Variants in ABCB1 observed in about 807,000 individuals in gnomAD.
The protein encoded by ABCB1 is ATP-dependent translocase ABCB1.
ABCB1 carries 69 observed loss-of-function variants against 142.0 expected under a neutral mutation model. The observed-to-expected ratio is 0.49, with a 90% CI of 0.40 to 0.59. ABCB1 has a LOEUF of 0.59. ABCB1 is among the 20% of genes least tolerant of loss of function. The pLI is 0.00. For missense variants in ABCB1, 1,326 were observed against 1,554.7 expected, an observed-to-expected ratio of 0.85 and a Z score of 2.47; for synonymous variants, 532 against 539.2, an observed-to-expected ratio of 0.99 and a Z score of 0.18.
chr7:87,527,538 G>A (rs1815840587), intron 21 of ABCB1, among the ~76,000 whole-genome samples: 1 of 152,128 alleles, frequency 6.6e-6, no homozygotes, highest in Non-Finnish European at 1.5e-5. Context: ...ACTTTTTCCT[G>A]TAATGTCATG....
In ABCB1 at chr7:87,549,438, C is replaced by G; in HGVS notation, c.1635G>C (p.Leu545=). 2 of 1,614,190 alleles carry G rather than the reference C, an allele frequency of 1.2e-6. No individual in the cohort carries two copies. Among genetic ancestry groups the G allele is most frequent in the Non-Finnish European group, 1.7e-6 (2 of 1,180,042 alleles). The change falls in exon 14 of 28, where the codon CTG becomes CTC. Residue 545 remains leucine, a synonymous_variant. Coordinates refer to ENST00000622132, the MANE Select transcript of ABCB1 (RefSeq NM_001348946.2). ...GCAGGAGGATCTTGGGGTTGCGAAC[C>G]AGGGCACGTGCAATGGCGATCCTCT... ...QKQRIAIARA[L]VRNPKILLLD... is the part of the protein sequence containing the mutation.
intron 1 of ABCB1, among the ~76,000 whole-genome samples, chr7:87,684,170 A>G (rs1480339396): frequency 2.0e-5 from 3 of 152,222 alleles, no homozygotes; most frequent in African/African-American, 2.4e-5. Flanking sequence ...AGTTTACAAC[A>G]GGGTTTCTCA....
At chr7:87,628,383 G>A in intron 1 of ABCB1, 1 of 155,458 alleles carries the variant, frequency 6.4e-6, no homozygotes, top group Non-Finnish European at 1.4e-5. Context: ...CTGCGCACGC[G>A]AGGCCGGGGG....
intron 1 of ABCB1, among the ~76,000 whole-genome samples, chr7:87,705,018 C>A (rs556891269): frequency 1.1e-4 from 17 of 152,202 alleles, no homozygotes; most frequent in Non-Finnish European, 2.4e-4. Context: ...GAACAGTATA[C>A]AGTATACAAG....
In ABCB1 at chr7:87,515,433, A is replaced by C. The variant is rs1227228021; in HGVS notation, c.3085-5T>G. 1 of 1,613,868 alleles carries C rather than the reference A, an allele frequency of 6.2e-7. No individual in the cohort carries two copies. On this transcript the variant is annotated splice_region_variant and splice_polypyrimidine_tract_variant and intron_variant, in intron 24 of 27. Transcript: ENST00000622132. ...GACATTTCCTTCCAATGTGTTCTGCAATGAGAAGAATAACAGTAAATTTGA... is the reference window on the plus strand; with the variant it reads ...GACATTTCCTTCCAATGTGTTCTGCCATGAGAAGAATAACAGTAAATTTGA...
At chr7:87,524,534 T>C (rs913474334) in intron 21 of ABCB1, among the ~76,000 whole-genome samples, 14 of 143,296 alleles carry the variant, frequency 9.8e-5, no homozygotes, top group Non-Finnish European at 2.0e-4. Context: ...AACTGAACAA[T>C]GAGAACACAT....
At chr7:87,530,251 T>A (rs964930279) in intron 21 of ABCB1, among the ~76,000 whole-genome samples, 2 of 152,216 alleles carry the variant, frequency 1.3e-5, no homozygotes, top group South Asian at 4.1e-4. Context: ...ATGTTAGTTA[T>A]GGCAGTCAGC....
intron 1 of ABCB1, among the ~76,000 whole-genome samples, chr7:87,651,174 A>G (rs1049663391): frequency 6.6e-6 from 1 of 152,186 alleles, no homozygotes; most frequent in Admixed American, 6.5e-5. Context: ...GTGACTTTCC[A>G]TAAGTAATTA....
chr7:87,546,003 T>A lies in ABCB1; in HGVS notation c.1747A>T (p.Ile583Phe). 2 of 1,614,134 alleles carry A rather than the reference T, an allele frequency of 1.2e-6. No homozygotes were observed. Among genetic ancestry groups the A allele is most frequent in the Non-Finnish European group, 1.7e-6 (2 of 1,180,008 alleles). ...LDKARKGRTT[I>F]VIAHRLSTVR... ...GTAGACAAACGATGAGCTATCACAA[T>A]GGTGGTCCGACCTTTTCTGGCCTAA... The change falls in exon 15 of 28, where the codon ATT (isoleucine) becomes TTT (phenylalanine). Residue 583 changes from isoleucine (I) to phenylalanine (F), a missense_variant. Physicochemically the swap from Ile to Phe is conservative, Grantham distance 21. Transcript: ENST00000622132.
intron 8 of ABCB1, among the ~76,000 whole-genome samples, chr7:87,561,006 T>A (rs1409425578): frequency 6.6e-6 from 1 of 152,182 alleles, no homozygotes; most frequent in Non-Finnish European, 1.5e-5. Flanking sequence ...ATCAGAGGTA[T>A]AAAATACATT....
At chr7:87,689,072 T>C (rs1196847483) in intron 1 of ABCB1, among the ~76,000 whole-genome samples, 1 of 152,048 alleles carries the variant, frequency 6.6e-6, no homozygotes, top group Non-Finnish European at 1.5e-5. Context: ...TCAAATAAAA[T>C]GATTCAAAAT....
chr7:87,596,782 G>A (rs1204379404), intron 2 of ABCB1, among the ~76,000 whole-genome samples: 1 of 152,064 alleles, frequency 6.6e-6, no homozygotes, highest in Non-Finnish European at 1.5e-5. Flanking sequence ...TGGCTTTGGA[G>A]TAATGTTAGA....
intron 1 of ABCB1, among the ~76,000 whole-genome samples, chr7:87,655,947 A>G (rs1226395807): frequency 6.6e-6 from 1 of 152,112 alleles, no homozygotes; most frequent in Non-Finnish European, 1.5e-5. Flanking sequence ...TGGAGACACA[A>G]CATTCCTTCA....
rs368542374 is a variant in ABCB1 at position 87,626,091 on chromosome 7, T to TCATATATATGTGTC, written c.-330-25014_-330-25013insGACACATATATATG. ...CCAGGCTGAGACATATATATATATATATATATATTGTCATATATATGTGTC... is the reference window on the plus strand; with the variant it reads ...CCAGGCTGAGACATATATATATATATCATATATATGTGTCATATATATTGTCATATATATGTGTC... On this transcript the variant is annotated intron_variant, in intron 1 of 28. Coordinates refer to the ABCB1 transcript ENST00000265724. 1.6e-4 allele frequency among the ~76,000 whole-genome samples: 15 copies of TCATATATATGTGTC among 95,816 alleles called. 1 individual carries two copies. Among genetic ancestry groups the TCATATATATGTGTC allele is most frequent in the Admixed American group, 6.4e-4 (6 of 9,426 alleles). The allele number at this position is 95,816 out of a possible 152,430, so 62.9% of individuals were successfully genotyped here.
intron 3 of ABCB1, 37 bp from the exon 4 acceptor site, chr7:87,585,717 T>C: frequency 6.2e-7 from 1 of 1,602,628 alleles, no homozygotes; most frequent in Non-Finnish European, 8.5e-7. Context: ...GAGGAAAAAT[T>C]AGTACAGTTT....
rs1448043181 is a variant in ABCB1, at chr7:87,585,908, G to T, written c.118-228C>A. 2.0e-5 allele frequency among the ~76,000 whole-genome samples: 3 copies of T among 152,098 alleles called. No individual in the cohort carries two copies. The East Asian group carries it at 5.8e-4, about 29-fold the overall frequency. ...GGCCTAATTCTTCATATTGGACTTG[G>T]TCTGTCTTCTTATATGAAGTCTAAT... On this transcript the variant is annotated intron_variant, in intron 3 of 27. Transcript: ENST00000622132.
At chr7:87,581,173 C>G (rs1447664320) in intron 4 of ABCB1, among the ~76,000 whole-genome samples, 2 of 152,012 alleles carry the variant, frequency 1.3e-5, no homozygotes, top group African/African-American at 2.4e-5. Context: ...CCCAGGCTAG[C>G]CTTGAACTTC....
intron 1 of ABCB1, among the ~76,000 whole-genome samples, chr7:87,699,048 G>A (rs1203851448): frequency 6.6e-6 from 1 of 152,100 alleles, no homozygotes; most frequent in Non-Finnish European, 1.5e-5. Context: ...CTAGACATGA[G>A]TATTTTTTAA....
chr7:87,614,880 C>T (rs917021848), intron 1 of ABCB1, among the ~76,000 whole-genome samples: 2 of 151,760 alleles, frequency 1.3e-5, no homozygotes, highest in Non-Finnish European at 2.9e-5. Flanking sequence ...GAGTCATGCT[C>T]TGCTGCCCAG....
Sources: allele counts gnomAD v4.1 joint callset (sites outside exome capture counted in the v4.1 genomes callset), GRCh38; gene constraint gnomAD v4.1.1; transcripts MANE v1.5; gene names NCBI Gene and HGNC (gene_info 2026-07-23, HGNC 2026-07-21).